Variants in LDHA observed in about 807,000 individuals in gnomAD.
LDHA encodes L-lactate dehydrogenase A chain.
LDHA carries 10 observed loss-of-function variants against 36.3 expected under a neutral mutation model. That is an observed-to-expected ratio of 0.28 (90% CI 0.17 to 0.47). The LOEUF is 0.47. Ranked by LOEUF, LDHA falls within the 20% of genes least tolerant of loss-of-function variation. The pLI, the probability that LDHA is intolerant of heterozygous loss-of-function variation, is 0.99. For synonymous variants in LDHA, 110 were observed against 136.7 expected (o/e 0.80, Z 1.36); for missense variants, 267 against 405.8 (o/e 0.66, Z 2.94).
At chr11:18,394,867 C>A in intron 1 of LDHA, 1 of 353,678 alleles carries the variant, frequency 2.8e-6, no homozygotes, top group South Asian at 2.1e-5. Flanking sequence ...GGCTTCTGGC[C>A]ACGCTGGGGA....
At chr11:18,400,362 G>A in intron 3 of LDHA, 1 of 163,168 alleles carries the variant, frequency 6.1e-6, no homozygotes, top group South Asian at 6.6e-5. Flanking sequence ...AGGGTATCTA[G>A]AAGCAAAATA....
chr11:18,398,605 T>TG, intron 2 of LDHA: 1 of 62,510 alleles, frequency 1.6e-5, no homozygotes, highest in African/African-American at 4.7e-5. Flanking sequence ...AGGCTGGTCT[T>TG]TTTTTTTTTT....
chr11:18,400,405 A>C, intron 3 of LDHA: 1 of 295,476 alleles, frequency 3.4e-6, no homozygotes. Context: ...CTCTGCTTAA[A>C]AACAAGTCCC....
intron 7 of LDHA, among the ~76,000 whole-genome samples, chr11:18,406,183 C>T (rs1377209455): frequency 1.3e-5 from 2 of 152,082 alleles, no homozygotes; most frequent in Non-Finnish European, 2.9e-5. Flanking sequence ...CTAGGCTGGT[C>T]TCGAACTCCT....
At chr11:18,406,125 C>G (rs556188652) in intron 7 of LDHA, among the ~76,000 whole-genome samples, 5 of 152,084 alleles carry the variant, frequency 3.3e-5, no homozygotes, top group Non-Finnish European at 5.9e-5. Flanking sequence ...GCCACCACGC[C>G]CGGCTACTTT....
intron 4 of LDHA, among the ~76,000 whole-genome samples, chr11:18,401,955 C>CTCTTTTTTTTTTTTTTTTTTTTTTTTT (rs59534512): frequency 3.8e-5 from 2 of 52,256 alleles, no homozygotes; most frequent in Non-Finnish European, 7.5e-5. Flanking sequence ...TTGTTATTCT[C>CTCTTTTTTTTTTTTTTTTTTTTTTTTT]TTTTTTTTTT....
intron 2 of LDHA, among the ~76,000 whole-genome samples, chr11:18,397,874 C>G (rs1336812805): frequency 6.6e-6 from 1 of 151,944 alleles, no homozygotes; most frequent in Admixed American, 6.6e-5. Flanking sequence ...ATTCTGGGTT[C>G]TAAATAGAAA....
At chr11:18,405,659 T>C (rs1374159968) in intron 7 of LDHA, 87 bp downstream of exon 7, 17 of 1,384,020 alleles carry the variant, frequency 1.2e-5, no homozygotes, top group Non-Finnish European at 1.6e-5. Flanking sequence ...AATACAAGTC[T>C]TCCATTACTG....
rs558157548 is a variant in LDHA, at chr11:18,396,368, G to A, written c.-24-451G>A. 6 of 398,546 alleles carry A rather than the reference G, an allele frequency of 1.5e-5. No homozygotes were observed. The East Asian group carries it at 2.1e-4, about 14-fold the overall frequency. The allele number at this position is 398,546 out of a possible 1,614,324, so 24.7% of individuals were successfully genotyped here. A position where few individuals can be genotyped will look rare whatever the true frequency, so the allele number is the denominator to read the frequency against. On this transcript the variant is annotated intron_variant, in intron 1 of 7. Coordinates refer to ENST00000422447, the MANE Select transcript of LDHA (RefSeq NM_005566.4). ...GGAGAGCCACAAAGCGCGCATGCGC[G>A]CGGATCACCGCAGGCTCCTGTGCCT... is the stretch of plus-strand genomic sequence containing the variant.
At chr11:18,402,551 G>T (rs570850425) in intron 4 of LDHA, 8 of 359,476 alleles carry the variant, frequency 2.2e-5, no homozygotes, top group Non-Finnish European at 4.3e-5. Flanking sequence ...TCCCACCTCA[G>T]CCTCCCAAAG....
chr11:18,404,591 G>C (rs7947664), intron 6 of LDHA, among the ~76,000 whole-genome samples: 98,506 of 151,464 alleles, frequency 0.65, 33,043 homozygotes, highest in South Asian at 0.76. Context: ...GGCAGATCAC[G>C]AGGTCAGGAG....
intron 6 of LDHA, among the ~76,000 whole-genome samples, chr11:18,404,442 A>G (rs1866604390): frequency 6.6e-6 from 1 of 151,910 alleles, no homozygotes; most frequent in African/African-American, 2.4e-5. Flanking sequence ...AATTATTGAA[A>G]TAGGGAAGCT....
chr11:18,394,816 G>C (rs776747272), intron 1 of LDHA, 180 bp downstream of exon 1: 1 of 360,486 alleles, frequency 2.8e-6, no homozygotes, highest in South Asian at 2.0e-5. Context: ...GCATGTGTTC[G>C]GAGCTCGCCG....
In LDHA at chr11:18,407,928, T is replaced by C; in HGVS notation, c.*647T>C. ...ATATTAATTTGGAAATATTAGGCTA[T>C]TCTTGGGCAACCCTGCAACGATTTT... On this transcript the variant is annotated 3_prime_UTR_variant, in exon 8 of 8. Transcript: ENST00000422447. The C allele has an allele frequency of 2.2e-6, 1 of 454,152 alleles. No homozygotes were observed. The allele number at this position is 454,152 out of a possible 1,614,324, so 28.1% of individuals were successfully genotyped here.
chr11:18,401,071 A>G (rs1318588692), intron 4 of LDHA, 61 bp downstream of exon 4: 2 of 565,732 alleles, frequency 3.5e-6, no homozygotes, highest in African/African-American at 4.0e-5. Context: ...TATATGATAT[A>G]TATATTATAT....
chr11:18,405,134 AT>A (rs556356941), intron 6 of LDHA, among the ~76,000 whole-genome samples: 57 of 151,988 alleles, frequency 3.8e-4, no homozygotes, highest in African/African-American at 1.3e-3. Flanking sequence ...GAATTATCCA[AT>A]TTTTTTTACA....
intron 6 of LDHA, among the ~76,000 whole-genome samples, 177 bp from the exon 7 acceptor site, chr11:18,405,272 G>A (rs1444059110): frequency 2.0e-5 from 3 of 152,164 alleles, no homozygotes; most frequent in Non-Finnish European, 4.4e-5. Context: ...TAACAGTACT[G>A]TTAATGAATA....
chr11:18,405,432 G>T lies in LDHA; in HGVS notation c.711-17G>T. 1 of 1,612,156 alleles carries T rather than the reference G, an allele frequency of 6.2e-7. No individual in the cohort carries two copies. The highest frequency in any genetic ancestry group is 8.5e-7 in the Non-Finnish European group (1 of 1,179,594). ...CCCTGCTTTTTCTGCCTTTACCTAT[G>T]GTTTCCTATCATACAGTGCTTATGA... On this transcript the variant is annotated splice_polypyrimidine_tract_variant and intron_variant, in intron 6 of 7. Coordinates refer to ENST00000422447, the MANE Select transcript of LDHA (RefSeq NM_005566.4).
intron 6 of LDHA, among the ~76,000 whole-genome samples, chr11:18,404,988 T>A (rs577005356): frequency 6.6e-6 from 1 of 152,274 alleles, no homozygotes; most frequent in East Asian, 1.9e-4. Context: ...CTGCTGGTGT[T>A]TGGAAATAAG....
Sources: gnomAD v4.1 joint callset for allele counts (sites outside exome capture counted in the v4.1 genomes callset) on GRCh38, gnomAD v4.1.1 for gene constraint, MANE v1.5 for transcripts, NCBI Gene and HGNC (gene_info 2026-07-23, HGNC 2026-07-21) for gene names.